Variants in ROBO1 observed in about 807,000 individuals in gnomAD.
ROBO1 encodes roundabout homolog 1.
Under a neutral mutation model 195.9 loss-of-function variants are expected in ROBO1, and 149 were observed. That is an observed-to-expected ratio of 0.76 (90% CI 0.67 to 0.87). The LOEUF is 0.87. Among genes scored for constraint, ROBO1 ranks in the 40% least tolerant of loss-of-function variants. The probability of loss-of-function intolerance (pLI) is 0.00; values close to 1 mark genes in which losing one functional copy is unlikely to be tolerated. For synonymous variants in ROBO1, 816 were observed against 733.2 expected, an observed-to-expected ratio of 1.11 and a Z score of -1.82; for missense variants, 1,933 against 2,068.3, an observed-to-expected ratio of 0.93 and a Z score of 1.27.
At chr3:78,735,906 G>A (rs1216736097) in intron 5 of ROBO1, among the ~76,000 whole-genome samples, 6 of 152,186 alleles carry the variant, frequency 3.9e-5, no homozygotes, top group Admixed American at 2.0e-4. Context: ...GTGACTCAGC[G>A]TAAACCAACG....
chr3:79,703,236 T>A (rs1368351974), intron 1 of ROBO1, among the ~76,000 whole-genome samples: 1 of 151,882 alleles, frequency 6.6e-6, no homozygotes, highest in Non-Finnish European at 1.5e-5. Flanking sequence ...TCTTAAAATG[T>A]ATTATTTCTA....
intron 26 of ROBO1, among the ~76,000 whole-genome samples, chr3:78,623,604 T>A (rs900229736): frequency 6.6e-6 from 1 of 152,114 alleles, no homozygotes; most frequent in Admixed American, 6.6e-5. Flanking sequence ...AGTGTTTCAA[T>A]TTAGGAAAAT....
chr3:79,316,864 A>G (rs2033758835), intron 2 of ROBO1, among the ~76,000 whole-genome samples: 1 of 152,106 alleles, frequency 6.6e-6, no homozygotes, highest in South Asian at 2.1e-4. Context: ...TGTCCTCTAG[A>G]TCATAGAACA....
At chr3:79,619,654 G>A (rs990821891) in intron 1 of ROBO1, among the ~76,000 whole-genome samples, 2 of 152,034 alleles carry the variant, frequency 1.3e-5, no homozygotes, top group Non-Finnish European at 2.9e-5. Context: ...GGGTACATGT[G>A]CCTTTTTCTC....
chr3:79,703,545 A>G (rs1342709462), intron 1 of ROBO1, among the ~76,000 whole-genome samples: 1 of 151,906 alleles, frequency 6.6e-6, no homozygotes, highest in Non-Finnish European at 1.5e-5. Flanking sequence ...TCATCTTCAT[A>G]ATTTTGAACA....
At chr3:79,494,771 A>C (rs930316792) in intron 2 of ROBO1, among the ~76,000 whole-genome samples, 1 of 152,228 alleles carries the variant, frequency 6.6e-6, no homozygotes, top group East Asian at 1.9e-4. Context: ...ACAGAAAAAA[A>C]TATTAAATGA....
chr3:79,330,049 C>T (rs1223692138), intron 2 of ROBO1, among the ~76,000 whole-genome samples: 1 of 151,552 alleles, frequency 6.6e-6, no homozygotes, highest in Non-Finnish European at 1.5e-5. Flanking sequence ...TACTAATATC[C>T]TGATTTGTAC....
At chr3:79,086,261 A>T (rs1217715302) in intron 3 of ROBO1, among the ~76,000 whole-genome samples, 1 of 152,074 alleles carries the variant, frequency 6.6e-6, no homozygotes, top group African/African-American at 2.4e-5. Flanking sequence ...AGGTGACCAT[A>T]CCACAGTTCT....
intron 2 of ROBO1, among the ~76,000 whole-genome samples, chr3:79,189,307 T>C (rs2081497316): frequency 6.6e-6 from 1 of 151,734 alleles, no homozygotes; most frequent in South Asian, 2.1e-4. Flanking sequence ...ATACATAAAA[T>C]AATTTAGAAT....
chr3:79,100,494 C>A (rs537467666), intron 3 of ROBO1, among the ~76,000 whole-genome samples: 19 of 151,492 alleles, frequency 1.3e-4, no homozygotes, highest in Non-Finnish European at 2.1e-4. Context: ...GACACAATAG[C>A]CAGCCCAAGA....
chr3:78,792,836 A>G (rs923770732), intron 4 of ROBO1, among the ~76,000 whole-genome samples: 1 of 152,182 alleles, frequency 6.6e-6, no homozygotes, highest in African/African-American at 2.4e-5. Flanking sequence ...ACAGTGGCTC[A>G]TGCCTGTAAT....
chr3:79,160,673 TC>T (rs1372207710), intron 2 of ROBO1, among the ~76,000 whole-genome samples: 4 of 152,020 alleles, frequency 2.6e-5, no homozygotes, highest in Non-Finnish European at 5.9e-5. Context: ...CAACTAGTTG[TC>T]CAAAAAAACT....
At chr3:79,076,471 A>T (rs1007840753) in intron 3 of ROBO1, among the ~76,000 whole-genome samples, 1 of 151,562 alleles carries the variant, frequency 6.6e-6, no homozygotes, top group African/African-American at 2.4e-5. Flanking sequence ...ACTAAATTTT[A>T]TAATGAAATA....
Position 79,012,862 on chromosome 3 carries a change from T to C in ROBO1, c.173-73935A>G, listed in dbSNP as rs1439995798. Among the ~76,000 whole-genome samples, 4 of 152,250 alleles carry C rather than the reference T, an allele frequency of 2.6e-5. No individual in the cohort carries two copies. In the East Asian group the frequency reaches 7.7e-4, roughly 29 times the overall value. On this transcript the variant is annotated intron_variant, in intron 3 of 30. Transcript: ENST00000464233. ...TACACTACAGATCATCTTTTTTTCTTCCTCTTCTTCAACAGCAAGATTGAA... is the reference window on the plus strand; with the variant it reads ...TACACTACAGATCATCTTTTTTTCTCCCTCTTCTTCAACAGCAAGATTGAA...
chr3:79,417,088 G>T (rs891264273), intron 2 of ROBO1, among the ~76,000 whole-genome samples: 5 of 152,116 alleles, frequency 3.3e-5, no homozygotes, highest in Admixed American at 6.6e-5. Context: ...CAAATATGTT[G>T]GTACTCCCTC....
intron 4 of ROBO1, among the ~76,000 whole-genome samples, chr3:78,761,922 A>T (rs1488728353): frequency 2.0e-5 from 3 of 152,052 alleles, no homozygotes; most frequent in Non-Finnish European, 2.9e-5. Flanking sequence ...CACATTGTAA[A>T]TGTTAGGTTT....
Position 79,568,020 on chromosome 3 carries a change from C to A in ROBO1, c.88+21804G>T, listed in dbSNP as rs190986968. Among the ~76,000 whole-genome samples, 327 of 152,126 alleles carry A rather than the reference C, an allele frequency of 2.1e-3. 1 individual carries two copies. The highest frequency in any genetic ancestry group is 3.3e-3 in the Non-Finnish European group (226 of 67,992). On this transcript the variant is annotated intron_variant, in intron 2 of 30. Transcript: ENST00000464233. Reference sequence around the variant, plus strand: ...ACTTCTTCTACGGCTAATGAAAATACCATATCCTTTGGCAAGTTGGTGCCG... The same window carrying A: ...ACTTCTTCTACGGCTAATGAAAATAACATATCCTTTGGCAAGTTGGTGCCG...
chr3:78,619,295 T>C (rs1440627796), intron 26 of ROBO1, among the ~76,000 whole-genome samples: 1 of 152,024 alleles, frequency 6.6e-6, no homozygotes, highest in Admixed American at 6.6e-5. Context: ...TAGGGTCATC[T>C]GGTGACCTCC....
chr3:78,943,964 C>T (rs1265335234), intron 3 of ROBO1, among the ~76,000 whole-genome samples: 1 of 152,112 alleles, frequency 6.6e-6, no homozygotes, highest in Non-Finnish European at 1.5e-5. Flanking sequence ...AAATGGTAAT[C>T]ATCATCTTTA....
Sources: gnomAD v4.1 joint callset for allele counts (sites outside exome capture counted in the v4.1 genomes callset) on GRCh38, gnomAD v4.1.1 for gene constraint, MANE v1.5 for transcripts, NCBI Gene and HGNC (gene_info 2026-07-23, HGNC 2026-07-21) for gene names.